The following LSG1 variants were observed in gnomAD, a reference collection of about 807,000 sequenced individuals.
The protein encoded by LSG1 is large subunit GTPase 1 homolog.
Under a neutral mutation model 82.6 loss-of-function variants are expected in LSG1, and 55 were observed. The ratio of observed to expected loss-of-function variants is 0.67; its 90% CI spans 0.54 to 0.83. LSG1 has a LOEUF of 0.83. Among genes scored for constraint, LSG1 ranks in the 40% least tolerant of loss-of-function variants. The probability of loss-of-function intolerance (pLI) is 0.00; values close to 1 mark genes in which losing one functional copy is unlikely to be tolerated. For synonymous variants in LSG1, 272 were observed against 282.5 expected (o/e 0.96, Z 0.37); for missense variants, 809 against 807.9 (o/e 1.00, Z -0.02).
rs1718892234 is a variant in LSG1 at position 194,660,054 on chromosome 3, T to A, written c.582+19A>T. The stretch of plus-strand genomic sequence containing the variant: ...CTACTCAAAGGACTGATGTTTGAAT[T>A]TTGTCAAACTTGACTTACCAAATCC... On this transcript the variant is annotated intron_variant, in intron 6 of 13. Transcript: ENST00000265245. The A allele has an allele frequency of 1.9e-6, 3 of 1,608,760 alleles. No individual in the cohort carries two copies. The highest frequency in any genetic ancestry group is 8.5e-7 in the Non-Finnish European group (1 of 1,175,246).
At chr3:194,666,676 A>G in intron 2 of LSG1, 104 bp from the exon 3 acceptor site, 2 of 927,702 alleles carry the variant, frequency 2.2e-6, no homozygotes, top group Non-Finnish European at 3.2e-6. Context: ...GCCTAAGAGA[A>G]CTTAAGATTT....
intron 1 of LSG1, among the ~76,000 whole-genome samples, chr3:194,671,399 T>C (rs1178665019): frequency 1.3e-5 from 2 of 152,178 alleles, no homozygotes; most frequent in Non-Finnish European, 2.9e-5. Flanking sequence ...GGCACACGCT[T>C]ACTTAGCTCC....
At chr3:194,644,065 T>C (rs1029776117) in intron 13 of LSG1, among the ~76,000 whole-genome samples, 4 of 152,202 alleles carry the variant, frequency 2.6e-5, no homozygotes, top group African/African-American at 9.6e-5. Flanking sequence ...CAGTAACTGC[T>C]AATAAATAAG....
chr3:194,649,582 C>T (rs563640524), intron 10 of LSG1, among the ~76,000 whole-genome samples: 26 of 151,278 alleles, frequency 1.7e-4, no homozygotes, highest in Middle Eastern at 3.4e-3. Context: ...CCCAGCTACT[C>T]GGGAGGCTGA....
intron 13 of LSG1, among the ~76,000 whole-genome samples, chr3:194,644,120 T>G (rs914179578): frequency 6.6e-6 from 1 of 151,966 alleles, no homozygotes; most frequent in Admixed American, 6.6e-5. Flanking sequence ...CCCAGCACTT[T>G]GGGAGGCCGA....
chr3:194,661,943 G>A (rs1000697081), intron 5 of LSG1, among the ~76,000 whole-genome samples: 5 of 152,094 alleles, frequency 3.3e-5, no homozygotes, highest in African/African-American at 9.7e-5. Flanking sequence ...AGTGTAAGAG[G>A]GGCTTCCTGT....
At chr3:194,643,133 A>T (rs1718433511) in intron 13 of LSG1, among the ~76,000 whole-genome samples, 1 of 152,250 alleles carries the variant, frequency 6.6e-6, no homozygotes, top group Non-Finnish European at 1.5e-5. Flanking sequence ...CACTGGGTAC[A>T]ATTATGTGAT....
At chr3:194,650,073 C>T (rs867697004) in intron 10 of LSG1, among the ~76,000 whole-genome samples, 8 of 152,120 alleles carry the variant, frequency 5.3e-5, no homozygotes, top group Middle Eastern at 3.2e-3. Flanking sequence ...GTGTGCACCA[C>T]CACGCCCAGC....
intron 11 of LSG1, among the ~76,000 whole-genome samples, chr3:194,647,210 G>T (rs1010903268): frequency 1.3e-5 from 2 of 152,154 alleles, no homozygotes; most frequent in South Asian, 2.1e-4. Flanking sequence ...GGAGGGAGAA[G>T]ACCTTCCCAA....
intron 5 of LSG1, among the ~76,000 whole-genome samples, chr3:194,664,364 A>G (rs188161642): frequency 1.3e-5 from 2 of 151,968 alleles, no homozygotes; most frequent in South Asian, 4.2e-4. Context: ...ATTTCAAAGG[A>G]AAAAAAACCA....
chr3:194,648,641 T>G (rs763123402), intron 11 of LSG1, 40 bp downstream of exon 11: 12 of 1,605,970 alleles, frequency 7.5e-6, no homozygotes, highest in African/African-American at 1.3e-5. Flanking sequence ...TTAGGTATAC[T>G]GTTACTTTTG....
In LSG1 at chr3:194,646,183, A is replaced by T; in HGVS notation, c.1604T>A (p.Ile535Asn). The T allele has an allele frequency of 1.2e-6, 2 of 1,614,100 alleles. No homozygotes were observed. The highest frequency in any genetic ancestry group is 1.7e-6 in the Non-Finnish European group (2 of 1,179,934). Reference sequence around the variant, plus strand: ...ACTTACACTGACATAGTCCTTCAGGATGTAGCGCGCAGATCGAGGCTGGTC... The same window carrying T: ...ACTTACACTGACATAGTCCTTCAGGTTGTAGCGCGCAGATCGAGGCTGGTC... ...QPDQPRSARY[I>N]LKDYVSGKLL... The change falls in exon 12 of 14, where the codon ATC (isoleucine) becomes AAC (asparagine). Residue 535 changes from isoleucine (I) to asparagine (N), a missense_variant. Coordinates refer to ENST00000265245, the MANE Select transcript of LSG1 (RefSeq NM_018385.3).
At position 194,657,235 on chromosome 3, in the gene LSG1, G is replaced by A. The variant is rs1240808842; in HGVS notation, c.759+1722C>T. On this transcript the variant is annotated intron_variant, in intron 7 of 13. Transcript: ENST00000265245. Reference sequence around the variant, plus strand: ...GAGTGCTGCTAGTAAGTCCACAAAAGATCACAGAGCTGTATCCTTGGACCT... The same window carrying A: ...GAGTGCTGCTAGTAAGTCCACAAAAAATCACAGAGCTGTATCCTTGGACCT... 4.7e-5 allele frequency among the ~76,000 whole-genome samples: 7 copies of A among 147,494 alleles called. No homozygotes were observed. In the South Asian group the frequency reaches 6.3e-4, roughly 13 times the overall value.
chr3:194,672,157 G>A lies in LSG1; in HGVS notation c.6C>T (p.Gly2=), dbSNP rs548129651. Residue 2 remains glycine, a synonymous_variant, in exon 1 of 14, where the codon GGC becomes GGT. Transcript: ENST00000265245. Reference sequence around the variant, plus strand: ...ACCCACCGGCCGGGGCTCTCCTCCGGCCCATGGCAACACGACCGCTGGACG... The same window carrying A: ...ACCCACCGGCCGGGGCTCTCCTCCGACCCATGGCAACACGACCGCTGGACG... M[G]RRRAPAGGSL... is the part of the protein sequence containing the mutation. The A allele has an allele frequency of 6.2e-7, 1 of 1,601,338 alleles. No homozygotes were observed.
At chr3:194,665,248 T>C (rs1282003012) in intron 5 of LSG1, among the ~76,000 whole-genome samples, 1 of 152,220 alleles carries the variant, frequency 6.6e-6, no homozygotes, top group Non-Finnish European at 1.5e-5. Flanking sequence ...CTTAACTCTT[T>C]TTCGTATCCA....
At position 194,670,004 on chromosome 3, in the gene LSG1, C is replaced by G. The variant is rs1269697152; in HGVS notation, c.226+5G>C. 2 of 1,613,456 alleles carry G rather than the reference C, an allele frequency of 1.2e-6. No individual in the cohort carries two copies. Among genetic ancestry groups the G allele is most frequent in the Non-Finnish European group, 1.7e-6 (2 of 1,179,710 alleles). On this transcript the variant is annotated splice_donor_5th_base_variant and intron_variant, in intron 2 of 13. Transcript: ENST00000265245. ...CTCACCTGCACTCAGCAATAAACAA[C>G]TTACCAGCTACAAACTCTGTTCCTG...
intron 1 of LSG1, among the ~76,000 whole-genome samples, chr3:194,670,488 A>G (rs1281093162): frequency 6.6e-6 from 1 of 152,244 alleles, no homozygotes; most frequent in East Asian, 1.9e-4. Context: ...AGTCAAAATT[A>G]GTCAAAACTT....
intron 11 of LSG1, 66 bp downstream of exon 11, chr3:194,648,614 AT>A (rs1241251508): frequency 9.5e-6 from 14 of 1,472,524 alleles, no homozygotes; most frequent in Non-Finnish European, 1.1e-5. Flanking sequence ...TACTATTACT[AT>A]TCTTATTTCT....
rs185497319 is a variant in LSG1, at chr3:194,653,270, T to A, written c.760-128A>T. 1.4e-3 allele frequency: 1,291 copies of A among 919,140 alleles called. 12 individuals carry two copies. The African/African-American group carries it at 0.018, about 13-fold the overall frequency. The allele number at this position is 919,140 out of a possible 1,614,324, so 56.9% of individuals were successfully genotyped here. A position where few individuals can be genotyped will look rare whatever the true frequency, so the allele number is the denominator to read the frequency against. The stretch of plus-strand genomic sequence containing the variant: ...TGGCTCAAGCCTGTAATCCCAGCAC[T>A]TTGGGAGGCCAAGGTGCGCAGATCA... On this transcript the variant is annotated intron_variant, in intron 7 of 13. Coordinates refer to ENST00000265245, the MANE Select transcript of LSG1 (RefSeq NM_018385.3).
Sources: allele counts gnomAD v4.1 joint callset (sites outside exome capture counted in the v4.1 genomes callset), GRCh38; gene constraint gnomAD v4.1.1; transcripts MANE v1.5; gene names NCBI Gene and HGNC (gene_info 2026-07-23, HGNC 2026-07-21).